Variants in PTPRZ1 observed in about 807,000 individuals in gnomAD.
PTPRZ1 encodes protein tyrosine phosphatase receptor type Z1, also known as receptor-type tyrosine-protein phosphatase zeta.
PTPRZ1 carries 82 observed loss-of-function variants against 214.1 expected under a neutral mutation model. The ratio of observed to expected loss-of-function variants is 0.38; its 90% CI spans 0.32 to 0.46. PTPRZ1 has a LOEUF of 0.46. Among genes scored for constraint, PTPRZ1 ranks in the 20% least tolerant of loss-of-function variants. The pLI, the probability that PTPRZ1 is intolerant of heterozygous loss-of-function variation, is 1.00. For synonymous variants in PTPRZ1, 945 were observed against 987.9 expected (o/e 0.96, Z 0.81); for missense variants, 2,603 against 2,748.7 (o/e 0.95, Z 1.19).
At chr7:121,907,673 G>A (rs929319704) in intron 1 of PTPRZ1, among the ~76,000 whole-genome samples, 11 of 151,760 alleles carry the variant, frequency 7.2e-5, no homozygotes, top group African/African-American at 2.7e-4. Context: ...AGGGTGTTTT[G>A]AAATTATGTA....
chr7:122,057,662 CT>C (rs770615295), intron 27 of PTPRZ1, among the ~76,000 whole-genome samples: 9 of 102,702 alleles, frequency 8.8e-5, no homozygotes, highest in East Asian at 5.5e-4. Flanking sequence ...TTTTTTTTGT[CT>C]TTTTTTTTGT....
At chr7:121,922,972 C>G (rs966029605) in intron 1 of PTPRZ1, among the ~76,000 whole-genome samples, 3 of 152,140 alleles carry the variant, frequency 2.0e-5, no homozygotes, top group African/African-American at 7.2e-5. Flanking sequence ...AGACTACCTC[C>G]TCACTTTTAA....
intron 11 of PTPRZ1, among the ~76,000 whole-genome samples, chr7:122,008,362 T>C (rs1798553978): frequency 6.6e-6 from 1 of 152,072 alleles, no homozygotes; most frequent in African/African-American, 2.4e-5. Context: ...TCAGAGTTGA[T>C]TTAAGCTGAT....
At position 122,010,990 on chromosome 7, in the gene PTPRZ1, G is replaced by A. The variant is rs770664851; in HGVS notation, c.1944G>A (p.Met648Ile). ...GSEESLKDPS[M>I]EGNVWFPSST... ...AAGAATCACTAAAGGATCCTTCTAT[G>A]GAGGGAAATGTGTGGTTTCCTAGCT... The change falls in exon 12 of 30, where the codon ATG becomes ATA. Residue 648 changes from methionine (M) to isoleucine (I), a missense_variant. This residue lies in a region of PTPRZ1 where 1,913 missense variants were observed against 1,914.3 expected (regional missense o/e 1.00). Transcript: ENST00000393386. The A allele has an allele frequency of 2.4e-5, 39 of 1,614,188 alleles. 1 individual carries two copies. The South Asian group carries it at 4.3e-4, about 18-fold the overall frequency.
At chr7:122,050,547 C>T (rs571113921) in intron 23 of PTPRZ1, among the ~76,000 whole-genome samples, 20 of 149,946 alleles carry the variant, frequency 1.3e-4, no homozygotes, top group South Asian at 2.1e-4. Context: ...GGACTTCTTA[C>T]GTAAAATGAT....
chr7:122,058,341 G>T (rs1183800311), intron 27 of PTPRZ1, among the ~76,000 whole-genome samples: 1 of 151,994 alleles, frequency 6.6e-6, no homozygotes, highest in Non-Finnish European at 1.5e-5. Flanking sequence ...GTTGAACCTA[G>T]ATCTCTACCT....
chr7:122,054,078 G>A, intron 26 of PTPRZ1, 40 bp downstream of exon 26: 1 of 1,601,408 alleles, frequency 6.2e-7, no homozygotes, highest in Non-Finnish European at 8.5e-7. Context: ...CCTTTACAGA[G>A]GAATATCAGG....
At chr7:122,043,484 G>T (rs912113730) in intron 22 of PTPRZ1, among the ~76,000 whole-genome samples, 1 of 152,192 alleles carries the variant, frequency 6.6e-6, no homozygotes, top group Non-Finnish European at 1.5e-5. Context: ...TGACAGAACA[G>T]TGTCAGCAAA....
intron 3 of PTPRZ1, among the ~76,000 whole-genome samples, chr7:121,970,389 A>C (rs2116521083): frequency 6.6e-6 from 1 of 152,280 alleles, no homozygotes; most frequent in East Asian, 1.9e-4. Context: ...TGTCTTCCAC[A>C]ATGGTTGAAC....
intron 1 of PTPRZ1, among the ~76,000 whole-genome samples, chr7:121,875,509 G>C (rs1183734001): frequency 1.3e-5 from 2 of 152,038 alleles, no homozygotes; most frequent in Non-Finnish European, 2.9e-5. Flanking sequence ...TCAGTTTGTT[G>C]GACATTTTCT....
chr7:122,019,112 C>A lies in PTPRZ1; in HGVS notation c.4844-12C>A. 1.3e-6 allele frequency: 2 copies of A among 1,588,288 alleles called. No individual in the cohort carries two copies. Among genetic ancestry groups the A allele is most frequent in the African/African-American group, 1.4e-5 (1 of 73,862 alleles). ...CTTAAATATCAATTCTCTCAATTTTCTCTGACTACAGAGGCCAGTAATAGT... is the reference window on the plus strand; with the variant it reads ...CTTAAATATCAATTCTCTCAATTTTATCTGACTACAGAGGCCAGTAATAGT... On this transcript the variant is annotated splice_polypyrimidine_tract_variant and intron_variant, in intron 12 of 29. Coordinates refer to ENST00000393386, the MANE Select transcript of PTPRZ1 (RefSeq NM_002851.3).
Position 122,039,480 on chromosome 7 carries a change from C to A in PTPRZ1, c.5529C>A (p.Ala1843=), listed in dbSNP as rs755940804. The A allele has an allele frequency of 6.2e-7, 1 of 1,613,886 alleles. No individual in the cohort carries two copies. Among genetic ancestry groups the A allele is most frequent in the Non-Finnish European group, 8.5e-7 (1 of 1,179,942 alleles). ...GRRKCDQYWP[A]DGSEEYGNFL... The stretch of plus-strand genomic sequence containing the variant: ...GAAAATGTGATCAGTACTGGCCTGC[C>A]GATGGGAGTGAGGAGTACGGGAACT... The change falls in exon 20 of 30, where the codon GCC becomes GCA. Residue 1843 remains alanine, a synonymous_variant. Coordinates refer to ENST00000393386, the MANE Select transcript of PTPRZ1 (RefSeq NM_002851.3).
rs113135531 is a variant in PTPRZ1, at chr7:121,937,133, G to C, written c.124+8912G>C. Among the ~76,000 whole-genome samples, 756 of 152,272 alleles carry C rather than the reference G, an allele frequency of 5.0e-3. 5 individuals are homozygous for C. Among genetic ancestry groups the C allele is most frequent in the Non-Finnish European group, 7.6e-3 (518 of 68,022 alleles). The stretch of plus-strand genomic sequence containing the variant: ...ATATTCTGGTATGCTTACAACAGCT[G>C]CACGTATTCATTCTTCAATTGCATA... On this transcript the variant is annotated intron_variant, in intron 2 of 29. Transcript: ENST00000393386.
At chr7:121,975,024 A>C (rs1167554103) in intron 4 of PTPRZ1, among the ~76,000 whole-genome samples, 1 of 152,080 alleles carries the variant, frequency 6.6e-6, no homozygotes, top group African/African-American at 2.4e-5. Context: ...CATTTCTACA[A>C]AAAATAAGAG....
At chr7:121,877,804 G>A (rs1359249085) in intron 1 of PTPRZ1, among the ~76,000 whole-genome samples, 1 of 152,082 alleles carries the variant, frequency 6.6e-6, no homozygotes, top group Admixed American at 6.5e-5. Context: ...CTCTTAATGT[G>A]TTGAATATGT....
At chr7:121,895,019 A>C (rs1186207123) in intron 1 of PTPRZ1, among the ~76,000 whole-genome samples, 2 of 152,234 alleles carry the variant, frequency 1.3e-5, no homozygotes, top group Non-Finnish European at 2.9e-5. Context: ...TTAGAAGAGA[A>C]GACAGAAGGA....
At chr7:121,953,763 G>A (rs576153934) in intron 2 of PTPRZ1, among the ~76,000 whole-genome samples, 1 of 152,158 alleles carries the variant, frequency 6.6e-6, no homozygotes, top group African/African-American at 2.4e-5. Flanking sequence ...AGAGCTCAGT[G>A]TAGATCAAAG....
chr7:121,920,991 A>G (rs1308060225), intron 1 of PTPRZ1, among the ~76,000 whole-genome samples: 3 of 152,134 alleles, frequency 2.0e-5, no homozygotes, highest in Non-Finnish European at 4.4e-5. Context: ...AGAGAAACAT[A>G]CATGCATGGG....
intron 1 of PTPRZ1, among the ~76,000 whole-genome samples, chr7:121,907,546 T>C (rs1795152665): frequency 6.6e-6 from 1 of 152,000 alleles, no homozygotes; most frequent in Non-Finnish European, 1.5e-5. Context: ...TTTCATATGG[T>C]TTCATTTAAT....
Sources: allele counts gnomAD v4.1 joint callset (sites outside exome capture counted in the v4.1 genomes callset), GRCh38; gene constraint gnomAD v4.1.1; regional missense constraint gnomAD v4.1.1; transcripts MANE v1.5; gene names NCBI Gene and HGNC (gene_info 2026-07-23, HGNC 2026-07-21).